The following SH3RF3 variants were observed in gnomAD, a reference collection of about 807,000 sequenced individuals.
The protein encoded by SH3RF3 is SH3 domain containing ring finger 3, also known as E3 ubiquitin-protein ligase SH3RF3.
SH3RF3 carries 29 observed loss-of-function variants against 66.3 expected under a neutral mutation model. That is an observed-to-expected ratio of 0.44 (90% CI 0.33 to 0.60). SH3RF3 has a LOEUF of 0.60. SH3RF3 is among the 20% of genes least tolerant of loss of function. SH3RF3 has a pLI of 0.04. For synonymous variants in SH3RF3, 583 were observed against 532.0 expected (o/e 1.10, Z -1.32); for missense variants, 1,194 against 1,190.9 (o/e 1.00, Z -0.04).
intron 1 of SH3RF3, among the ~76,000 whole-genome samples, chr2:109,145,882 G>T (rs577994606): frequency 5.3e-5 from 8 of 152,196 alleles, no homozygotes; most frequent in African/African-American, 1.4e-4. Context: ...GGGAGGCTGC[G>T]TAGGGCTATG....
intron 7 of SH3RF3, among the ~76,000 whole-genome samples, chr2:109,439,823 G>A (rs910331620): frequency 7.2e-5 from 11 of 152,030 alleles, no homozygotes; most frequent in East Asian, 3.9e-4. Flanking sequence ...TTTCCACCCC[G>A]GTTAGAGAGA....
At chr2:109,424,738 C>T (rs971973716) in intron 5 of SH3RF3, among the ~76,000 whole-genome samples, 20 of 152,116 alleles carry the variant, frequency 1.3e-4, no homozygotes, top group Non-Finnish European at 2.2e-4. Flanking sequence ...TATGTTCTGA[C>T]GGCTCCACGG....
chr2:109,433,605 C>T (rs1677311197), intron 6 of SH3RF3, among the ~76,000 whole-genome samples: 3 of 152,188 alleles, frequency 2.0e-5, no homozygotes, highest in African/African-American at 4.8e-5. Flanking sequence ...AAATAAATAA[C>T]CTGTAGACCC....
chr2:109,275,985 G>A (rs1680748291), intron 1 of SH3RF3, among the ~76,000 whole-genome samples: 1 of 152,136 alleles, frequency 6.6e-6, no homozygotes, highest in Non-Finnish European at 1.5e-5. Flanking sequence ...GAGGGGAGAC[G>A]AACATGCCCC....
intron 1 of SH3RF3, among the ~76,000 whole-genome samples, chr2:109,251,266 G>T (rs548141335): frequency 1.3e-5 from 2 of 152,300 alleles, no homozygotes; most frequent in South Asian, 2.1e-4. Context: ...GCCTCCCAAA[G>T]TGCTGGGATT....
chr2:109,312,662 A>G (rs977489151), intron 1 of SH3RF3, among the ~76,000 whole-genome samples: 3 of 152,148 alleles, frequency 2.0e-5, no homozygotes, highest in African/African-American at 7.2e-5. Context: ...TTTACTTCGT[A>G]TTTTCGAAGT....
At chr2:109,371,856 C>T (rs1364965454) in intron 3 of SH3RF3, among the ~76,000 whole-genome samples, 175 bp downstream of exon 3, 1 of 152,224 alleles carries the variant, frequency 6.6e-6, no homozygotes, top group African/African-American at 2.4e-5. Flanking sequence ...GGGGTCAGTG[C>T]TGTGAGCACT....
chr2:109,414,951 T>C (rs533305037), intron 4 of SH3RF3, among the ~76,000 whole-genome samples: 63 of 152,276 alleles, frequency 4.1e-4, no homozygotes, highest in Middle Eastern at 3.4e-3. Flanking sequence ...GAAAAGACCC[T>C]GAGATGGAGA....
intron 8 of SH3RF3, among the ~76,000 whole-genome samples, chr2:109,488,660 A>G (rs950841651): frequency 2.0e-5 from 3 of 152,108 alleles, no homozygotes; most frequent in African/African-American, 2.4e-5. Flanking sequence ...GTTCCTGGGA[A>G]CACTCTCCCT....
chr2:109,419,143 G>T (rs1350049224), intron 4 of SH3RF3, among the ~76,000 whole-genome samples: 1 of 152,110 alleles, frequency 6.6e-6, no homozygotes, highest in Non-Finnish European at 1.5e-5. Flanking sequence ...CAGTTCCTGG[G>T]GACGCTCTTT....
chr2:109,407,563 C>A lies in SH3RF3; in HGVS notation c.1299+8620C>A, dbSNP rs180763282. 3.2e-3 allele frequency among the ~76,000 whole-genome samples: 494 copies of A among 152,284 alleles called. 1 individual carries two copies. Among genetic ancestry groups the A allele is most frequent in the Non-Finnish European group, 4.9e-3 (330 of 68,014 alleles). ...ACCTTCCTGCCTCAGGCCTGGCAGC[C>A]CCCAGACTTACTGCTTATAAGCTGT... On this transcript the variant is annotated intron_variant, in intron 4 of 9. Transcript: ENST00000309415.
intron 1 of SH3RF3, among the ~76,000 whole-genome samples, chr2:109,224,501 G>C (rs1259103843): frequency 6.6e-6 from 1 of 152,162 alleles, no homozygotes; most frequent in Non-Finnish European, 1.5e-5. Context: ...GTACAGTAGC[G>C]ACCAGCCACA....
At chr2:109,336,230 C>G (rs1682418209) in intron 1 of SH3RF3, among the ~76,000 whole-genome samples, 1 of 152,204 alleles carries the variant, frequency 6.6e-6, no homozygotes, top group Admixed American at 6.5e-5. Context: ...TTCTCCCTCA[C>G]TGGGGAAGAG....
intron 1 of SH3RF3, among the ~76,000 whole-genome samples, chr2:109,252,269 C>T (rs1024038904): frequency 1.4e-5 from 2 of 141,216 alleles, no homozygotes; most frequent in African/African-American, 5.3e-5. Context: ...AAAAAAAAAA[C>T]TTTCAACATT....
At chr2:109,156,107 C>T (rs1408508623) in intron 1 of SH3RF3, among the ~76,000 whole-genome samples, 3 of 152,234 alleles carry the variant, frequency 2.0e-5, no homozygotes, top group Non-Finnish European at 4.4e-5. Flanking sequence ...AGGATGCTGC[C>T]TGCTTGCTAG....
rs1457805454 is a variant in SH3RF3, at chr2:109,129,808, C to T, written c.268C>T (p.His90Tyr). The T allele has an allele frequency of 6.5e-7, 1 of 1,538,316 alleles. No homozygotes were observed. The highest frequency in any genetic ancestry group is 1.2e-5 in the South Asian group (1 of 83,308). Residue 90 changes from histidine (H) to tyrosine (Y), a missense_variant, in exon 1 of 10, where the codon CAC becomes TAC. Coordinates refer to ENST00000309415, the MANE Select transcript of SH3RF3 (RefSeq NM_001099289.3). The part of the protein sequence containing the change: ...RCLESIVCSR[H>Y]ELRCPECRIL... ...CCTGGAGAGCATCGTGTGCTCGCGC[C>T]ACGAGCTGCGCTGCCCCGAGTGCCG... is the stretch of plus-strand genomic sequence containing the variant.
Position 109,437,066 on chromosome 2 carries a change from C to T in SH3RF3, c.1748C>T (p.Thr583Ile), listed in dbSNP as rs748494139. ...TTPQAHAQHP[T>I]ASPPTGSCLR... Reference sequence around the variant, plus strand: ...CCCCAGGCCCACGCCCAGCACCCCACAGCCTCGCCCCCAACAGGCAGCTGT... The same window carrying T: ...CCCCAGGCCCACGCCCAGCACCCCATAGCCTCGCCCCCAACAGGCAGCTGT... Residue 583 changes from threonine to isoleucine, a missense_variant, in exon 7 of 10, where the codon ACA (threonine) becomes ATA (isoleucine). By Grantham distance (89) the Thr-to-Ile change is moderately conservative. Coordinates refer to ENST00000309415, the MANE Select transcript of SH3RF3 (RefSeq NM_001099289.3). 1.9e-6 allele frequency: 3 copies of T among 1,613,714 alleles called. No homozygotes were observed. Among genetic ancestry groups the T allele is most frequent in the South Asian group, 1.1e-5 (1 of 91,062 alleles).
chr2:109,154,661 G>A (rs2104883723), intron 1 of SH3RF3, among the ~76,000 whole-genome samples: 1 of 152,318 alleles, frequency 6.6e-6, no homozygotes, highest in Admixed American at 6.5e-5. Context: ...TTTTGGCCTT[G>A]CTGTAGTGCT....
At chr2:109,387,969 C>A (rs1027964345) in intron 3 of SH3RF3, among the ~76,000 whole-genome samples, 10 of 152,186 alleles carry the variant, frequency 6.6e-5, no homozygotes, top group African/African-American at 2.2e-4. Context: ...CTCCCCACAC[C>A]AATTCCAGGG....
Sources: gnomAD v4.1 joint callset for allele counts (sites outside exome capture counted in the v4.1 genomes callset) on GRCh38, gnomAD v4.1.1 for gene constraint, MANE v1.5 for transcripts, NCBI Gene and HGNC (gene_info 2026-07-23, HGNC 2026-07-21) for gene names.